MTMR10: variants seen among roughly 807,000 people sequenced by gnomAD.
MTMR10 encodes the protein myotubularin related protein 10, also known as myotubularin-related protein 10.
A neutral mutation model predicts 88.1 loss-of-function variants in MTMR10; 56 were observed. The ratio of observed to expected loss-of-function variants is 0.64; its 90% CI spans 0.51 to 0.79. The LOEUF (loss-of-function observed/expected upper bound fraction) is 0.79. Ranked by LOEUF, MTMR10 falls within the 30% of genes least tolerant of loss-of-function variation. The probability of loss-of-function intolerance (pLI) is 0.00; values close to 1 mark genes in which losing one functional copy is unlikely to be tolerated. For synonymous variants in MTMR10, 380 were observed against 340.9 expected, an observed-to-expected ratio of 1.11 and a Z score of -1.26; for missense variants, 883 against 924.7, an observed-to-expected ratio of 0.95 and a Z score of 0.58.
the MTMR10 span, chr15:30,928,500 CAG>C: frequency 1.6e-5 from 21 of 1,279,188 alleles, no homozygotes; most frequent in Admixed American, 5.8e-5. Context: ...ACAGATAAAA[CAG>C]ATTTTGTGTG....
the MTMR10 span, among the ~76,000 whole-genome samples, chr15:30,923,592 T>C: frequency 6.6e-5 from 10 of 152,150 alleles, no homozygotes; most frequent in Non-Finnish European, 7.4e-5. Context: ...GAGTGCTAAT[T>C]CCTGCAAAGT....
chr15:30,941,851 TC>T lies in MTMR10; in HGVS notation c.1952del (p.Gly651GlufsTer4). 6.2e-7 allele frequency: 1 copy of T among 1,614,052 alleles called. No homozygotes were observed. The highest frequency in any genetic ancestry group is 8.5e-7 in the Non-Finnish European group (1 of 1,179,902). On this transcript the variant is annotated frameshift_variant, in exon 16 of 16. Transcript: ENST00000435680. LOFTEE classifies it high-confidence loss of function. The part of the protein sequence containing the change: ...LHGVILPRVS[G>X]THIKLWKLCY... ...ACAGTTTCCACAGTTTTATGTGTGT[TC>T]CAGAGACACGTGGCAGAATAACACC...
At chr15:30,963,662 T>TAGAC (rs58036488) in intron 6 of MTMR10, among the ~76,000 whole-genome samples, 3,520 of 144,134 alleles carry the variant, frequency 0.024, 134 homozygotes, top group African/African-American at 0.085. Context: ...GATAGATAGA[T>TAGAC]AGACAGACAG....
chr15:30,951,922 T>A, intron 12 of MTMR10, 46 bp downstream of exon 12: 1 of 1,519,990 alleles, frequency 6.6e-7, no homozygotes, highest in African/African-American at 1.4e-5. Context: ...AAACCAAGGC[T>A]GGCTGGTATG....
chr15:30,935,044 G>A (rs956856307), downstream of MTMR10, among the ~76,000 whole-genome samples: 4 of 152,006 alleles, frequency 2.6e-5, no homozygotes, highest in Middle Eastern at 3.4e-3. Context: ...TTCCTTTCAC[G>A]CCTGTAATTC....
At chr15:30,932,408 TTTCTTA>T in the MTMR10 span, among the ~76,000 whole-genome samples, 1 of 152,096 alleles carries the variant, frequency 6.6e-6, no homozygotes, top group East Asian at 1.9e-4. Flanking sequence ...GTACTTTTCT[TTTCTTA>T]TTATCTCTTT....
chr15:30,938,859 A>C (rs1055006634), downstream of MTMR10: 2 of 953,468 alleles, frequency 2.1e-6, no homozygotes, highest in Non-Finnish European at 2.5e-6. Context: ...TGGATGACAC[A>C]GAAGTATGGG....
chr15:30,938,749 A>G (rs1188097237), downstream of MTMR10, among the ~76,000 whole-genome samples: 3 of 152,180 alleles, frequency 2.0e-5, no homozygotes, highest in East Asian at 5.8e-4. Context: ...GGCATGATCT[A>G]TCAATATCCA....
chr15:30,979,764 A>G (rs1233089420), intron 2 of MTMR10, among the ~76,000 whole-genome samples: 1 of 152,226 alleles, frequency 6.6e-6, no homozygotes, highest in African/African-American at 2.4e-5. Context: ...TTACTGATGC[A>G]CGAATGTTAA....
chr15:30,931,630 T>G, the MTMR10 span, among the ~76,000 whole-genome samples: 1 of 152,230 alleles, frequency 6.6e-6, no homozygotes, highest in South Asian at 2.1e-4. Flanking sequence ...GGAATTCATT[T>G]GTGGTGTGTG....
chr15:30,974,335 T>C lies in MTMR10; in HGVS notation c.453A>G (p.Ser151=). 1.2e-6 allele frequency: 2 copies of C among 1,603,330 alleles called. No homozygotes were observed. The highest frequency in any genetic ancestry group is 8.5e-7 in the Non-Finnish European group (1 of 1,173,654). The stretch of plus-strand genomic sequence containing the variant: ...TTACCTTTTTAGCACTTTCGGGACC[T>C]GATTCATCAAAGCGAAATCTGACAA... ...FRIVRFRFDE[S]GPESAKKVCL... is the part of the protein sequence containing the mutation. Residue 151 remains serine (S), a synonymous_variant, in exon 5 of 16, where the codon TCA becomes TCG. Coordinates refer to ENST00000435680, the MANE Select transcript of MTMR10 (RefSeq NM_017762.3).
intron 2 of MTMR10, among the ~76,000 whole-genome samples, chr15:30,980,469 T>C (rs1049461474): frequency 1.3e-5 from 2 of 152,202 alleles, no homozygotes; most frequent in Admixed American, 1.3e-4. Flanking sequence ...TTAATAAACA[T>C]ACAAATAGAC....
At chr15:30,943,674 G>A (rs1364513654) in intron 14 of MTMR10, 1 of 985,262 alleles carries the variant, frequency 1.0e-6, no homozygotes, top group African/African-American at 1.7e-5. Flanking sequence ...TCCTTCACAG[G>A]AGTCCACCTC....
At chr15:30,951,840 GTA>G (rs1447858262) in intron 12 of MTMR10, 126 bp downstream of exon 12, 1 of 768,690 alleles carries the variant, frequency 1.3e-6, no homozygotes, top group Non-Finnish European at 2.2e-6. Flanking sequence ...AATCTGTAAT[GTA>G]TTTGATGGTA....
chr15:30,939,715 GTAA>G lies in MTMR10; in HGVS notation c.*1752_*1754del. 5.1e-6 allele frequency: 5 copies of G among 975,978 alleles called. No individual in the cohort carries two copies. The highest frequency in any genetic ancestry group is 6.1e-6 in the Non-Finnish European group (5 of 821,438). The allele number at this position is 975,978 out of a possible 1,614,324, so 60.5% of individuals were successfully genotyped here. On this transcript the variant is annotated 3_prime_UTR_variant, in exon 16 of 16. Coordinates refer to ENST00000435680, the MANE Select transcript of MTMR10 (RefSeq NM_017762.3). ...AAAAATGCTCAATCCAAAACATTTA[GTAA>G]TAATAAAAAAGCAGCTAAATGAAAA...
In MTMR10 at chr15:30,990,857, T is replaced by C; in HGVS notation, c.61-20A>G. The C allele has an allele frequency of 6.3e-7, 1 of 1,578,310 alleles. No individual in the cohort carries two copies. Among genetic ancestry groups the C allele is most frequent in the Non-Finnish European group, 8.6e-7 (1 of 1,159,720 alleles). ...GTCAGTCTGAAATACATTAGCAAAA[T>C]AAATCAAAATCTCAATCCCCCCACC... is the stretch of plus-strand genomic sequence containing the variant. On this transcript the variant is annotated intron_variant, in intron 1 of 15. Coordinates refer to ENST00000435680, the MANE Select transcript of MTMR10 (RefSeq NM_017762.3).
In MTMR10 at chr15:30,943,037, A is replaced by T. The variant is rs2063105160; in HGVS notation, c.1584T>A (p.Asp528Glu). ...FAISKNIQLG[D>E]EKGLKFPSVW... Reference sequence around the variant, plus strand: ...CAGAGGGGAATTTTAAGCCCTTCTCATCACCCAATTGGATGTTTTTGCTTA... The same window carrying T: ...CAGAGGGGAATTTTAAGCCCTTCTCTTCACCCAATTGGATGTTTTTGCTTA... Residue 528 changes from aspartate (D) to glutamate (E), a missense_variant, in exon 15 of 16, where the codon GAT becomes GAA. Around this residue, in one of 3 missense-constraint regions of MTMR10, gnomAD observed 343 missense variants for 323.2 expected, o/e 1.06. Transcript: ENST00000435680. 1 of 1,547,136 alleles carries T rather than the reference A, an allele frequency of 6.5e-7. No individual in the cohort carries two copies. Among genetic ancestry groups the T allele is most frequent in the Non-Finnish European group, 8.7e-7 (1 of 1,145,876 alleles).
rs2063034561 is a variant in MTMR10, at chr15:30,941,161, C to T, written c.*309G>A. 7.6e-7 allele frequency: 1 copy of T among 1,309,966 alleles called. No homozygotes were observed. Among genetic ancestry groups the T allele is most frequent in the South Asian group, 1.2e-5 (1 of 80,824 alleles). The allele number at this position is 1,309,966 out of a possible 1,614,324, so 81.1% of individuals were successfully genotyped here. A position where few individuals can be genotyped will look rare whatever the true frequency, so the allele number is the denominator to read the frequency against. On this transcript the variant is annotated 3_prime_UTR_variant, in exon 16 of 16. Transcript: ENST00000435680. ...TGGGGCTGCTAATGTGACTGACTATCAGATAGCCTTCAGGAGGTGGTAGGA... is the reference window on the plus strand; with the variant it reads ...TGGGGCTGCTAATGTGACTGACTATTAGATAGCCTTCAGGAGGTGGTAGGA...
chr15:30,965,801 T>C (rs11858971), intron 6 of MTMR10: 3,392 of 302,250 alleles, frequency 0.011, 110 homozygotes, highest in African/African-American at 0.07. Flanking sequence ...AGCTAAAATA[T>C]CATTTTCTCA....
Sources: gnomAD v4.1 joint callset for allele counts (sites outside exome capture counted in the v4.1 genomes callset) on GRCh38, gnomAD v4.1.1 for gene constraint, gnomAD v4.1.1 regional missense constraint, MANE v1.5 for transcripts, NCBI Gene and HGNC (gene_info 2026-07-23, HGNC 2026-07-21) for gene names.